Variants in RYR1 observed in about 807,000 individuals in gnomAD.
RYR1 encodes ryanodine receptor 1.
Under a neutral mutation model 583.5 loss-of-function variants are expected in RYR1, and 342 were observed. The observed-to-expected ratio is 0.59, with a 90% CI of 0.54 to 0.64. RYR1 has a LOEUF of 0.64. Among genes scored for constraint, RYR1 ranks in the 30% least tolerant of loss-of-function variants. The pLI is 0.00. For synonymous variants in RYR1, 2,791 were observed against 2,822.5 expected, an observed-to-expected ratio of 0.99 and a Z score of 0.35; for missense variants, 6,032 against 6,917.2, an observed-to-expected ratio of 0.87 and a Z score of 4.54.
At chr19:38,558,793 A>T (rs900656135) in intron 89 of RYR1, among the ~76,000 whole-genome samples, 5 of 149,114 alleles carry the variant, frequency 3.4e-5, no homozygotes, top group African/African-American at 9.9e-5. Flanking sequence ...AATAAAAATA[A>T]TTTTTTAAAA....
chr19:38,580,640 A>C, intron 101 of RYR1, 136 bp downstream of exon 101: 3 of 1,107,004 alleles, frequency 2.7e-6, no homozygotes, highest in Non-Finnish European at 4.0e-6. Flanking sequence ...CGGGACGATT[A>C]CTTGAGTCCA....
intron 19 of RYR1, 78 bp downstream of exon 19, chr19:38,459,416 G>T: frequency 2.1e-6 from 3 of 1,408,946 alleles, no homozygotes; most frequent in Non-Finnish European, 3.0e-6. Flanking sequence ...TCACTCCATG[G>T]TCCCCCAGGA....
intron 101 of RYR1, among the ~76,000 whole-genome samples, chr19:38,583,728 T>G (rs1202182502): frequency 2.0e-5 from 3 of 151,988 alleles, no homozygotes; most frequent in African/African-American, 7.3e-5. Flanking sequence ...TTCTCCCAAT[T>G]CAAGCCCTTT....
At chr19:38,510,866 G>C in intron 60 of RYR1, 85 bp downstream of exon 60, 1 of 1,589,116 alleles carries the variant, frequency 6.3e-7, no homozygotes. Context: ...CCTGGGTGCT[G>C]GGTGTTGGGT....
chr19:38,458,022 C>G lies in RYR1; in HGVS notation c.1926-29C>G, dbSNP rs746430046. On this transcript the variant is annotated intron_variant, in intron 17 of 105. Coordinates refer to ENST00000359596, the MANE Select transcript of RYR1 (RefSeq NM_000540.3). ...GCTCTCCTCTCTGCCTCTCCGTCAT[C>G]CCCCTCTCCTGTCCCATCTCTCCTG... 13 of 1,611,282 alleles carry G rather than the reference C, an allele frequency of 8.1e-6. No individual in the cohort carries two copies. The African/African-American group carries it at 1.3e-4, about 17-fold the overall frequency.
intron 101 of RYR1, among the ~76,000 whole-genome samples, chr19:38,583,715 G>A (rs1974320292): frequency 6.6e-6 from 1 of 152,062 alleles, no homozygotes; most frequent in Non-Finnish European, 1.5e-5. Context: ...AGGACTGTGT[G>A]TTTTCTCCCA....
Position 38,543,273 on chromosome 19 carries a change from A to G in RYR1, c.11690-74A>G, listed in dbSNP as rs1409016651. Reference sequence around the variant, plus strand: ...AACTCAACACATGAGTATTGCATAAATGAATAAATGACCCACTGTTCATCT... The same window carrying G: ...AACTCAACACATGAGTATTGCATAAGTGAATAAATGACCCACTGTTCATCT... On this transcript the variant is annotated intron_variant, in intron 84 of 105. Coordinates refer to ENST00000359596, the MANE Select transcript of RYR1 (RefSeq NM_000540.3). This position sits in a 1 kb window ranked among gnomAD's most constrained non-coding sequence, Gnocchi z 4.4. The G allele has an allele frequency of 1.6e-5, 20 of 1,270,912 alleles. No homozygotes were observed. Among genetic ancestry groups the G allele is most frequent in the Non-Finnish European group, 2.1e-5 (18 of 867,484 alleles). 78.7% of individuals were successfully genotyped at this position (1,270,912 alleles called of 1,614,324 possible). A position where few individuals can be genotyped will look rare whatever the true frequency, so the allele number is the denominator to read the frequency against.
At chr19:38,578,276 T>A (rs1011290315) in intron 99 of RYR1, 72 bp downstream of exon 99, 1 of 1,500,806 alleles carries the variant, frequency 6.7e-7, no homozygotes, top group East Asian at 2.4e-5. Flanking sequence ...CAACGTCGGG[T>A]GTTCCTGACC....
Position 38,500,716 on chromosome 19 carries a change from C to G in RYR1, c.7434C>G (p.Thr2478=), listed in dbSNP as rs747434152. ...TCAGCCTCCCACTGCAGATTCCCAC[C>G]CTGGGCAAAGGTGCAGAGGGGATGG... The part of the protein sequence containing the change: ...GIISLPLQIP[T]LGKDGALVQP... Residue 2478 remains threonine, a synonymous_variant, in exon 46 of 106, where the codon ACC becomes ACG. Coordinates refer to ENST00000359596, the MANE Select transcript of RYR1 (RefSeq NM_000540.3). This position sits in a 1 kb window ranked among gnomAD's most constrained non-coding sequence, Gnocchi z 5.9. 12 of 1,614,136 alleles carry G rather than the reference C, an allele frequency of 7.4e-6. No individual in the cohort carries two copies. The highest frequency in any genetic ancestry group is 1.0e-5 in the Non-Finnish European group (12 of 1,180,034).
chr19:38,536,417 T>C (rs1971972597), intron 82 of RYR1, among the ~76,000 whole-genome samples: 1 of 151,172 alleles, frequency 6.6e-6, no homozygotes, highest in Non-Finnish European at 1.5e-5. Context: ...GTTAATCGCG[T>C]CTCCTCTTTG....
chr19:38,532,557 C>G lies in RYR1; in HGVS notation c.11193+16C>G, dbSNP rs373782352. 20 of 1,614,026 alleles carry G rather than the reference C, an allele frequency of 1.2e-5. No homozygotes were observed. The highest frequency in any genetic ancestry group is 3.3e-5 in the Admixed American group (2 of 59,994). ...CATGGCAAAGGTGAGGCCCTACCCC[C>G]CTCTTCTGGGGCAGATTTCCCTCTC... On this transcript the variant is annotated intron_variant, in intron 77 of 105. Coordinates refer to ENST00000359596, the MANE Select transcript of RYR1 (RefSeq NM_000540.3).
chr19:38,555,553 C>T (rs80112459), intron 89 of RYR1, among the ~76,000 whole-genome samples: 2,393 of 151,922 alleles, frequency 0.016, 34 homozygotes, highest in Middle Eastern at 0.027. Context: ...TGTCATCACT[C>T]CTAACCCAAA....
chr19:38,527,993 G>A (rs1600932181), intron 73 of RYR1: 2 of 634,364 alleles, frequency 3.2e-6, no homozygotes, highest in East Asian at 5.5e-5. Flanking sequence ...GACAGGGAAG[G>A]GGCAGATCTT....
intron 27 of RYR1, among the ~76,000 whole-genome samples, chr19:38,470,679 G>A (rs575704231): frequency 6.6e-6 from 1 of 152,174 alleles, no homozygotes; most frequent in Non-Finnish European, 1.5e-5. Context: ...GGAGGTGGAG[G>A]TTGCAGTAAG....
intron 83 of RYR1, among the ~76,000 whole-genome samples, chr19:38,537,524 G>A (rs1282556084): frequency 6.6e-6 from 1 of 152,156 alleles, no homozygotes; most frequent in African/African-American, 2.4e-5. Context: ...ACGGTCTGAA[G>A]GGGGGCTGAG....
At chr19:38,479,181 G>A (rs747482040) in intron 31 of RYR1, among the ~76,000 whole-genome samples, 1 of 152,174 alleles carries the variant, frequency 6.6e-6, no homozygotes, top group Admixed American at 6.5e-5. Context: ...GAATCCTAAG[G>A]TGGCCTTTTC....
intron 69 of RYR1, chr19:38,523,540 CAT>C: frequency 1.6e-6 from 1 of 615,420 alleles, no homozygotes; most frequent in Non-Finnish European, 2.9e-6. Context: ...CCTCTTCTCT[CAT>C]CTCTGTCTCC....
Position 38,535,391 on chromosome 19 carries a change from A to G in RYR1, c.11515A>G (p.Ser3839Gly), listed in dbSNP as rs1227981044. Reference sequence around the variant, plus strand: ...TATCCAGGCACTGATGCAAACATGCAGGTAGGTTCGAGTGGACCTCTTCTT... The same window carrying G: ...TATCCAGGCACTGATGCAAACATGCGGGTAGGTTCGAGTGGACCTCTTCTT... ...QSIQALMQTC[S>G]VLDLNAFERQ... Residue 3839 changes from serine (S) to glycine (G), a missense_variant and splice_region_variant, in exon 81 of 106, where the codon AGC (serine) becomes GGC (glycine). By Grantham distance (56) the Ser-to-Gly change is moderately conservative. Around this residue, in one of 11 missense-constraint regions of RYR1, gnomAD observed 1,493 missense variants for 1,715.5 expected, o/e 0.87. Coordinates refer to ENST00000359596, the MANE Select transcript of RYR1 (RefSeq NM_000540.3). 1 of 1,613,040 alleles carries G rather than the reference A, an allele frequency of 6.2e-7. No homozygotes were observed.
chr19:38,475,211 G>GTAT (rs1968655799), intron 28 of RYR1, 107 bp from the exon 29 acceptor site: 2 of 1,446,734 alleles, frequency 1.4e-6, no homozygotes, highest in Admixed American at 4.0e-5. Context: ...AAGACCTGGG[G>GTAT]TATTAGAAGC....
Sources: allele counts gnomAD v4.1 joint callset (sites outside exome capture counted in the v4.1 genomes callset), GRCh38; gene constraint gnomAD v4.1.1; regional missense constraint gnomAD v4.1.1; non-coding constraint Gnocchi (gnomAD v3.1); transcripts MANE v1.5; gene names NCBI Gene and HGNC (gene_info 2026-07-23, HGNC 2026-07-21).